Variants in GSN observed in about 807,000 individuals in gnomAD.
The protein encoded by GSN is actin-depolymerizing factor.
In GSN, 56 loss-of-function variants were observed where a neutral mutation model predicts 85.7. The observed-to-expected ratio is 0.65, with a 90% CI of 0.53 to 0.82. The LOEUF is 0.82. Among genes scored for constraint, GSN ranks in the 40% least tolerant of loss-of-function variants. The pLI, the probability that GSN is intolerant of heterozygous loss-of-function variation, is 0.00. For missense variants in GSN, 857 were observed against 979.8 expected, an observed-to-expected ratio of 0.87 and a Z score of 1.67; for synonymous variants, 373 against 399.1, an observed-to-expected ratio of 0.93 and a Z score of 0.78.
intron 1 of GSN, among the ~76,000 whole-genome samples, chr9:121,271,140 T>A (rs2055881532): frequency 6.6e-6 from 1 of 152,162 alleles, no homozygotes; most frequent in South Asian, 2.1e-4. Flanking sequence ...GAGGCCGAGT[T>A]GGGTTGATGG....
At position 121,300,162 on chromosome 9, in the gene GSN, G is replaced by A. The variant is rs1040403743; in HGVS notation, c.-9-1801G>A. The A allele has an allele frequency of 4.8e-6, 7 of 1,473,614 alleles. No homozygotes were observed. In the African/African-American group the frequency reaches 5.5e-5, roughly 12 times the overall value. 91.3% of individuals were successfully genotyped at this position (1,473,614 alleles called of 1,614,324 possible). A position where few individuals can be genotyped will look rare whatever the true frequency, so the allele number is the denominator to read the frequency against. On this transcript the variant is annotated intron_variant, in intron 2 of 17. Transcript: ENST00000432226. ...CTTGCTGCTTCCGGGGCTCTGGCTC[G>A]CAGACGAGGGTGGGAGCCTCGGGGC...
the GSN span, chr9:121,201,705 G>GC: frequency 1.3e-5 from 2 of 152,914 alleles, no homozygotes; most frequent in African/African-American, 4.8e-5. Flanking sequence ...AGGAACAGGA[G>GC]TGCGGACGCA....
At chr9:121,229,674 C>G (rs2054349327) in intron 4 of GSN, among the ~76,000 whole-genome samples, 1 of 152,162 alleles carries the variant, frequency 6.6e-6, no homozygotes, top group African/African-American at 2.4e-5. Flanking sequence ...GTCAGCTTGT[C>G]TCATTACTGG....
chr9:121,257,981 T>A (rs2055002180), intron 6 of GSN, among the ~76,000 whole-genome samples: 1 of 152,218 alleles, frequency 6.6e-6, no homozygotes, highest in Non-Finnish European at 1.5e-5. Context: ...AATGTTTGCT[T>A]AATAATGTAA....
chr9:121,328,852 A>G (rs764578502), intron 14 of GSN, 39 bp from the exon 15 acceptor site: 1 of 1,605,484 alleles, frequency 6.2e-7, no homozygotes, highest in South Asian at 1.1e-5. Context: ...GAGAGGGGTG[A>G]TGGCGTCCCT....
At chr9:121,212,919 G>C (rs1457822404) in intron 4 of GSN, among the ~76,000 whole-genome samples, 2 of 152,124 alleles carry the variant, frequency 1.3e-5, no homozygotes, top group South Asian at 4.1e-4. Context: ...AAAGTGCTGG[G>C]ATCACAGGCA....
intron 2 of GSN, among the ~76,000 whole-genome samples, chr9:121,289,396 G>C (rs559518470): frequency 6.6e-6 from 1 of 152,202 alleles, no homozygotes; most frequent in South Asian, 2.1e-4. Context: ...GTGAAAGCCG[G>C]GTAATTTTCC....
At chr9:121,232,940 A>C (rs2054422285) in intron 5 of GSN, among the ~76,000 whole-genome samples, 2 of 152,188 alleles carry the variant, frequency 1.3e-5, no homozygotes, top group African/African-American at 4.8e-5. Context: ...CCCTGATAGA[A>C]GTTTTCATCC....
chr9:121,210,611 G>A (rs77709029), intron 3 of GSN, among the ~76,000 whole-genome samples: 37 of 152,288 alleles, frequency 2.4e-4, no homozygotes, highest in African/African-American at 7.5e-4. Context: ...ACCAGCACCC[G>A]TCCTGTGAAC....
At chr9:121,209,152 G>A (rs1201617175) in intron 1 of GSN, 1 of 152,256 alleles carries the variant, frequency 6.6e-6, no homozygotes, top group Admixed American at 6.5e-5. Context: ...CACTAATAGT[G>A]AACCCCAGAA....
chr9:121,286,548 C>G (rs930458041), intron 2 of GSN: 17 of 1,427,974 alleles, frequency 1.2e-5, no homozygotes, highest in Admixed American at 8.1e-5. Context: ...TGCCCCAATG[C>G]CCCTCCTCCG....
upstream of GSN, among the ~76,000 whole-genome samples, chr9:121,205,026 A>T (rs1249089437): frequency 6.6e-6 from 1 of 152,240 alleles, no homozygotes; most frequent in Admixed American, 6.5e-5. Flanking sequence ...ACTTGAAAAT[A>T]AAAAGCCCAC....
At chr9:121,208,163 T>C (rs146026903) in intron 1 of GSN, among the ~76,000 whole-genome samples, 2 of 152,272 alleles carry the variant, frequency 1.3e-5, no homozygotes, top group African/African-American at 4.8e-5. Flanking sequence ...ACACACGGAA[T>C]TGTTGTTCAG....
chr9:121,208,372 T>C (rs2053917878), intron 1 of GSN, among the ~76,000 whole-genome samples: 1 of 152,156 alleles, frequency 6.6e-6, no homozygotes, highest in Non-Finnish European at 1.5e-5. Context: ...GAGTACCTGC[T>C]TAGAATACAT....
chr9:121,253,737 C>G (rs1018514639), intron 6 of GSN, among the ~76,000 whole-genome samples: 1 of 152,172 alleles, frequency 6.6e-6, no homozygotes, highest in Non-Finnish European at 1.5e-5. Flanking sequence ...GCGGTTCTCT[C>G]TCTGGTTATG....
intron 2 of GSN, chr9:121,286,159 G>C: frequency 6.5e-7 from 1 of 1,535,334 alleles, no homozygotes. Context: ...CGAGGAAGAA[G>C]CCCTCAGGGG....
chr9:121,260,312 G>A (rs1367041429), intron 6 of GSN, among the ~76,000 whole-genome samples: 4 of 152,238 alleles, frequency 2.6e-5, no homozygotes, highest in South Asian at 2.1e-4. Flanking sequence ...AATCTCCATC[G>A]GGGAAACGTG....
intron 4 of GSN, among the ~76,000 whole-genome samples, chr9:121,211,264 G>A (rs138741254): frequency 1.1e-4 from 17 of 152,294 alleles, no homozygotes; most frequent in Admixed American, 8.5e-4. Context: ...ATACAACAAT[G>A]TGAATGTACT....
chr9:121,238,595 A>T (rs940184146), intron 5 of GSN: 8 of 225,752 alleles, frequency 3.5e-5, no homozygotes, highest in Non-Finnish European at 7.0e-5. Flanking sequence ...GTGAATCAAT[A>T]CTCCTTAATA....
Sources: allele counts gnomAD v4.1 joint callset (sites outside exome capture counted in the v4.1 genomes callset), GRCh38; gene constraint gnomAD v4.1.1; transcripts MANE v1.5; gene names NCBI Gene and HGNC (gene_info 2026-07-23, HGNC 2026-07-21).